TMEM131: variants seen among roughly 807,000 people sequenced by gnomAD.
TMEM131 encodes the protein transmembrane protein 131, also known as 2610524E03Rik.
A neutral mutation model predicts 211.6 loss-of-function variants in TMEM131; 66 were observed. The observed-to-expected ratio is 0.31, with a 90% CI of 0.26 to 0.38. The LOEUF is 0.38. TMEM131 is among the 10% of genes least tolerant of loss of function. TMEM131 has a pLI of 1.00. For missense variants in TMEM131, 2,036 were observed against 2,299.3 expected, an observed-to-expected ratio of 0.89 and a Z score of 2.34; for synonymous variants, 844 against 841.3, an observed-to-expected ratio of 1.00 and a Z score of -0.06.
intron 7 of TMEM131, among the ~76,000 whole-genome samples, chr2:97,838,081 C>A (rs1217199740): frequency 6.6e-6 from 1 of 152,172 alleles, no homozygotes; most frequent in Non-Finnish European, 1.5e-5. Context: ...GATGACTATA[C>A]CGCAGTTTTT....
chr2:97,990,990 G>C (rs920205901), intron 1 of TMEM131, among the ~76,000 whole-genome samples: 20 of 152,098 alleles, frequency 1.3e-4, no homozygotes, highest in Admixed American at 1.3e-3. Context: ...AATTTAAATT[G>C]TCATAGGTTG....
intron 1 of TMEM131, among the ~76,000 whole-genome samples, chr2:97,962,230 G>A (rs750021305): frequency 2.2e-4 from 33 of 152,274 alleles, no homozygotes; most frequent in Middle Eastern, 3.4e-3. Flanking sequence ...GCTGCCTGGC[G>A]CAGTGGCTCA....
At chr2:97,988,957 C>T (rs1680147824) in intron 1 of TMEM131, among the ~76,000 whole-genome samples, 1 of 152,112 alleles carries the variant, frequency 6.6e-6, no homozygotes, top group Non-Finnish European at 1.5e-5. Context: ...TATTTGCATA[C>T]TCAACTTCAC....
At chr2:97,958,885 G>A (rs751729560) in intron 1 of TMEM131, among the ~76,000 whole-genome samples, 3 of 152,292 alleles carry the variant, frequency 2.0e-5, no homozygotes, top group East Asian at 1.9e-4. Flanking sequence ...AACTTATTAC[G>A]GGCAGAACCT....
intron 3 of TMEM131, among the ~76,000 whole-genome samples, chr2:97,906,373 A>C (rs1277389672): frequency 1.3e-5 from 2 of 152,182 alleles, no homozygotes; most frequent in Non-Finnish European, 2.9e-5. Context: ...CACACACACA[A>C]AATGTAAAAT....
At chr2:97,987,516 AC>A (rs1361512444) in intron 1 of TMEM131, among the ~76,000 whole-genome samples, 3 of 152,190 alleles carry the variant, frequency 2.0e-5, no homozygotes, top group African/African-American at 7.2e-5. Flanking sequence ...AAACAAAAAA[AC>A]AAAAACAAAA....
intron 32 of TMEM131, among the ~76,000 whole-genome samples, chr2:97,773,926 G>A (rs898248325): frequency 6.6e-6 from 1 of 152,146 alleles, no homozygotes; most frequent in Non-Finnish European, 1.5e-5. Flanking sequence ...CTGTGTTTAC[G>A]GAAGCACTGG....
chr2:97,787,858 C>T (rs910382752), intron 31 of TMEM131, among the ~76,000 whole-genome samples: 8 of 152,110 alleles, frequency 5.3e-5, no homozygotes, highest in Admixed American at 5.2e-4. Context: ...CCTGGTATTG[C>T]CCAGAACTGC....
At chr2:97,824,250 C>T (rs999954452) in intron 11 of TMEM131, among the ~76,000 whole-genome samples, 1 of 152,254 alleles carries the variant, frequency 6.6e-6, no homozygotes. Flanking sequence ...AAGCCCCCAA[C>T]CAGATAATCC....
rs202041757 is a variant in TMEM131 at position 97,792,935 on chromosome 2, C to T, written c.3595G>A (p.Ala1199Thr). The change falls in exon 31 of 41, where the codon GCA becomes ACA. Residue 1199 changes from alanine to threonine, a missense_variant. Ala to Thr is a moderately conservative substitution (Grantham distance 58). Around this residue, in one of 3 missense-constraint regions of TMEM131, gnomAD observed 1,623 missense variants for 1,805.9 expected, o/e 0.90. Transcript: ENST00000186436. Reference sequence around the variant, plus strand: ...CTGGGTCGGGATGATGAACCGCCTGCTCCACAGAACCCCCTACTGTGACCG... The same window carrying T: ...CTGGGTCGGGATGATGAACCGCCTGTTCCACAGAACCCCCTACTGTGACCG... Reference protein sequence around the residue: ...DPGHSRGFCGAGGSSSRPSAG... With the variant: ...DPGHSRGFCGTGGSSSRPSAG... 743 of 1,609,606 alleles carry T rather than the reference C, an allele frequency of 4.6e-4. 5 individuals are homozygous for T. The African/African-American group carries it at 8.5e-3, about 18-fold the overall frequency.
At chr2:97,931,558 GA>G in intron 1 of TMEM131, among the ~76,000 whole-genome samples, 1 of 152,014 alleles carries the variant, frequency 6.6e-6, no homozygotes, top group East Asian at 1.9e-4. Context: ...AATAACTCAT[GA>G]AAAAAACAAA....
At chr2:97,797,055 T>TA in intron 26 of TMEM131, 69 bp from the exon 27 acceptor site, 1 of 1,489,366 alleles carries the variant, frequency 6.7e-7, no homozygotes, top group Non-Finnish European at 9.2e-7. Flanking sequence ...TTGCAATTTC[T>TA]ACTGTTATTT....
chr2:97,994,167 T>C (rs1294887389), intron 1 of TMEM131, among the ~76,000 whole-genome samples: 2 of 152,214 alleles, frequency 1.3e-5, no homozygotes, highest in African/African-American at 4.8e-5. Context: ...GGTGCCACGA[T>C]CACACATAAG....
intron 1 of TMEM131, among the ~76,000 whole-genome samples, chr2:97,976,408 A>G (rs1170000947): frequency 6.6e-6 from 1 of 152,232 alleles, no homozygotes. Context: ...ATTTTAAAAA[A>G]ATATCATTTA....
At chr2:97,813,315 C>T (rs554940858) in intron 15 of TMEM131, among the ~76,000 whole-genome samples, 1 of 152,322 alleles carries the variant, frequency 6.6e-6, no homozygotes, top group East Asian at 1.9e-4. Context: ...CCCTCCAGCT[C>T]TAAAATTCTA....
chr2:97,779,681 T>C (rs141769160), intron 31 of TMEM131, among the ~76,000 whole-genome samples: 1 of 152,300 alleles, frequency 6.6e-6, no homozygotes, highest in East Asian at 1.9e-4. Context: ...AGCAATCTAT[T>C]TAACAAGACC....
At chr2:97,798,737 G>A (rs922552791) in intron 25 of TMEM131, among the ~76,000 whole-genome samples, 9 of 152,190 alleles carry the variant, frequency 5.9e-5, no homozygotes, top group South Asian at 2.1e-4. Context: ...GTATGCGTGC[G>A]TCAGCACAGT....
intron 1 of TMEM131, among the ~76,000 whole-genome samples, chr2:97,950,430 T>TC (rs1173517357): frequency 6.6e-6 from 1 of 152,162 alleles, no homozygotes; most frequent in Admixed American, 6.5e-5. Flanking sequence ...CCACCTTTCC[T>TC]CTCCCTGACT....
chr2:97,995,465 G>T lies in TMEM131; in HGVS notation c.187+11C>A, dbSNP rs959910868. On this transcript the variant is annotated intron_variant, in intron 1 of 40. Transcript: ENST00000186436. ...AGCCCCGCCGCAGGGACGCCGCCGG[G>T]GGACACCCACCTTCCTTCTCGGCCC... is the stretch of plus-strand genomic sequence containing the variant. 1.4e-6 allele frequency: 2 copies of T among 1,388,396 alleles called. No individual in the cohort carries two copies. The highest frequency in any genetic ancestry group is 3.0e-5 in the Admixed American group (1 of 33,108). 86.0% of individuals were successfully genotyped at this position (1,388,396 alleles called of 1,614,324 possible).
Sources: gnomAD v4.1 joint callset for allele counts (sites outside exome capture counted in the v4.1 genomes callset) on GRCh38, gnomAD v4.1.1 for gene constraint, gnomAD v4.1.1 regional missense constraint, MANE v1.5 for transcripts, NCBI Gene and HGNC (gene_info 2026-07-23, HGNC 2026-07-21) for gene names.